Variants in ITGA9 observed in about 807,000 individuals in gnomAD.
ITGA9 encodes integrin alpha-9.
ITGA9 carries 56 observed loss-of-function variants against 127.8 expected under a neutral mutation model. That is an observed-to-expected ratio of 0.44 (90% CI 0.35 to 0.55). ITGA9 has a LOEUF of 0.55. Among genes scored for constraint, ITGA9 ranks in the 20% least tolerant of loss-of-function variants. ITGA9 has a pLI of 0.00. For synonymous variants in ITGA9, 508 were observed against 514.5 expected, an observed-to-expected ratio of 0.99 and a Z score of 0.17; for missense variants, 1,196 against 1,347.1, an observed-to-expected ratio of 0.89 and a Z score of 1.76.
chr3:37,579,290 G>A (rs1440205155), intron 15 of ITGA9, among the ~76,000 whole-genome samples: 11 of 152,152 alleles, frequency 7.2e-5, no homozygotes, highest in Admixed American at 2.6e-4. Flanking sequence ...TGGCTCCATG[G>A]ACTTCAAGGA....
chr3:37,699,187 A>C (rs1700919401), intron 18 of ITGA9, among the ~76,000 whole-genome samples: 1 of 152,128 alleles, frequency 6.6e-6, no homozygotes, highest in African/African-American at 2.4e-5. Context: ...TGAACTGGTC[A>C]AGTCTCATAA....
chr3:37,647,398 C>T (rs1194544012), intron 16 of ITGA9, among the ~76,000 whole-genome samples: 1 of 149,666 alleles, frequency 6.7e-6, no homozygotes, highest in African/African-American at 2.5e-5. Flanking sequence ...TGTACATTTA[C>T]ATAGTGAAAT....
At chr3:37,804,598 G>A (rs1465978432) in intron 27 of ITGA9, among the ~76,000 whole-genome samples, 1 of 152,140 alleles carries the variant, frequency 6.6e-6, no homozygotes, top group Admixed American at 6.5e-5. Context: ...TAATGGTATT[G>A]GAGGCTTTAG....
chr3:37,683,427 T>A (rs888878074), intron 17 of ITGA9, among the ~76,000 whole-genome samples: 3 of 152,212 alleles, frequency 2.0e-5, no homozygotes, highest in East Asian at 1.9e-4. Context: ...CTGACAGACA[T>A]ATTTGCTTCT....
At chr3:37,714,235 A>T (rs150881273) in intron 18 of ITGA9, among the ~76,000 whole-genome samples, 11 of 152,372 alleles carry the variant, frequency 7.2e-5, no homozygotes, top group African/African-American at 2.4e-4. Flanking sequence ...TGTCAGTGTT[A>T]AATAAGACAG....
chr3:37,713,920 TA>T (rs1421445360), intron 18 of ITGA9, among the ~76,000 whole-genome samples: 1 of 152,226 alleles, frequency 6.6e-6, no homozygotes, highest in Non-Finnish European at 1.5e-5. Context: ...TCTCACGGTT[TA>T]AAAGGCTGCA....
In ITGA9 at chr3:37,542,488, A is replaced by T. The variant is rs1451745755; in HGVS notation, c.1592A>T (p.Tyr531Phe). The T allele has an allele frequency of 6.2e-7, 1 of 1,613,990 alleles. No homozygotes were observed. The highest frequency in any genetic ancestry group is 2.2e-5 in the East Asian group (1 of 44,894). Residue 531 changes from tyrosine to phenylalanine, a missense_variant, in exon 15 of 28, where the codon TAC becomes TTC. Physicochemically the swap from Tyr to Phe is conservative, Grantham distance 22. Transcript: ENST00000264741. ...GAGAAGGGCCAGATGCCCAGGGTCT[A>T]CTTTGTGCTGCTGGGAGAGACCATG... Reference protein sequence around the residue: ...KKEKGQMPRVYFVLLGETMGQ... With the variant: ...KKEKGQMPRVFFVLLGETMGQ...
intron 16 of ITGA9, among the ~76,000 whole-genome samples, chr3:37,635,874 T>C (rs1368142093): frequency 6.7e-6 from 1 of 148,974 alleles, no homozygotes; most frequent in Non-Finnish European, 1.5e-5. Flanking sequence ...AGTGAGAACA[T>C]GCGGTGTTTG....
chr3:37,560,025 A>G (rs1699470094), intron 15 of ITGA9, among the ~76,000 whole-genome samples: 1 of 152,144 alleles, frequency 6.6e-6, no homozygotes, highest in Non-Finnish European at 1.5e-5. Context: ...ATAGGTATAC[A>G]TGTGCCATGT....
intron 18 of ITGA9, among the ~76,000 whole-genome samples, chr3:37,730,375 G>A (rs1281983330): frequency 6.6e-6 from 1 of 152,196 alleles, no homozygotes; most frequent in Non-Finnish European, 1.5e-5. Flanking sequence ...GCTTCTGGCA[G>A]GAGGAATATG....
chr3:37,779,319 G>T (rs530972404), intron 24 of ITGA9, among the ~76,000 whole-genome samples: 1 of 152,192 alleles, frequency 6.6e-6, no homozygotes, highest in African/African-American at 2.4e-5. Flanking sequence ...TGGCCAAACT[G>T]GTCTTGAACT....
intron 15 of ITGA9, among the ~76,000 whole-genome samples, chr3:37,588,327 C>T (rs940036843): frequency 2.0e-5 from 3 of 151,302 alleles, no homozygotes; most frequent in African/African-American, 4.9e-5. Flanking sequence ...GCCCACCCCC[C>T]CACTTCCCTT....
chr3:37,522,636 T>C (rs955929675), intron 11 of ITGA9, among the ~76,000 whole-genome samples: 20 of 151,518 alleles, frequency 1.3e-4, no homozygotes, highest in African/African-American at 4.9e-4. Flanking sequence ...GGCGGGAGGA[T>C]CACTTAAGCC....
chr3:37,750,426 C>T, intron 22 of ITGA9, 36 bp from the exon 23 acceptor site: 2 of 1,232,882 alleles, frequency 1.6e-6, no homozygotes, highest in Non-Finnish European at 2.4e-6. Flanking sequence ...CTGCTATTTT[C>T]CACTGAGACT....
chr3:37,495,861 A>T lies in ITGA9; in HGVS notation c.612+1293A>T, dbSNP rs139558608. ...CTGTGAAGTGTGCTTTCTGCATACTAGCCCCAGGGTCCTTCAAATGAAACC... is the reference window on the plus strand; with the variant it reads ...CTGTGAAGTGTGCTTTCTGCATACTTGCCCCAGGGTCCTTCAAATGAAACC... On this transcript the variant is annotated intron_variant, in intron 5 of 27. Coordinates refer to ENST00000264741, the MANE Select transcript of ITGA9 (RefSeq NM_002207.3). 2.2e-3 allele frequency among the ~76,000 whole-genome samples: 334 copies of T among 152,326 alleles called. 3 individuals carry two copies. Among genetic ancestry groups the T allele is most frequent in the African/African-American group, 7.6e-3 (316 of 41,588 alleles).
chr3:37,592,801 C>T (rs1699833530), intron 15 of ITGA9, among the ~76,000 whole-genome samples: 1 of 152,132 alleles, frequency 6.6e-6, no homozygotes, highest in African/African-American at 2.4e-5. Context: ...AGAGGGAAGG[C>T]TCATCTGTCA....
At chr3:37,576,949 G>A (rs1699659612) in intron 15 of ITGA9, among the ~76,000 whole-genome samples, 2 of 152,224 alleles carry the variant, frequency 1.3e-5, no homozygotes, top group South Asian at 4.1e-4. Flanking sequence ...AAACAGAAAT[G>A]GTAGAATCAA....
chr3:37,579,923 T>A (rs1699689581), intron 15 of ITGA9, among the ~76,000 whole-genome samples: 1 of 152,220 alleles, frequency 6.6e-6, no homozygotes, highest in African/African-American at 2.4e-5. Context: ...TAAGCATTTT[T>A]AAAAGGTTAA....
At chr3:37,730,370 T>C (rs1696272853) in intron 18 of ITGA9, among the ~76,000 whole-genome samples, 1 of 152,214 alleles carries the variant, frequency 6.6e-6, no homozygotes, top group African/African-American at 2.4e-5. Context: ...GTGTTGCTTC[T>C]GGCAGGAGGA....
Sources: gnomAD v4.1 joint callset for allele counts (sites outside exome capture counted in the v4.1 genomes callset) on GRCh38, gnomAD v4.1.1 for gene constraint, MANE v1.5 for transcripts, NCBI Gene and HGNC (gene_info 2026-07-23, HGNC 2026-07-21) for gene names.